SCN8A: variants seen among roughly 807,000 people sequenced by gnomAD.
SCN8A encodes sodium voltage-gated channel alpha subunit 8, also known as sodium channel protein type 8 subunit alpha.
In SCN8A, 30 loss-of-function variants were observed where a neutral mutation model predicts 184.1. The observed-to-expected ratio is 0.16, with a 90% CI of 0.12 to 0.22. The LOEUF (loss-of-function observed/expected upper bound fraction) is 0.22. SCN8A is among the 10% of genes least tolerant of loss of function. The pLI, the probability that SCN8A is intolerant of heterozygous loss-of-function variation, is 1.00. For synonymous variants in SCN8A, 852 were observed against 907.0 expected, an observed-to-expected ratio of 0.94 and a Z score of 1.09; for missense variants, 1,057 against 2,498.9, an observed-to-expected ratio of 0.42 and a Z score of 12.30.
chr12:51,675,706 GT>G (rs1158870141), intron 2 of SCN8A, among the ~76,000 whole-genome samples: 3 of 152,198 alleles, frequency 2.0e-5, no homozygotes, highest in Non-Finnish European at 4.4e-5. Context: ...TTGAGTAATA[GT>G]TTTGAAGCTT....
intron 1 of SCN8A, among the ~76,000 whole-genome samples, chr12:51,616,364 G>T (rs1939836355): frequency 6.6e-6 from 1 of 152,088 alleles, no homozygotes; most frequent in South Asian, 2.1e-4. Flanking sequence ...GCCAGGTGCA[G>T]TGGCTCACAC....
rs1940040998 is a variant in SCN8A at position 51,624,811 on chromosome 12, A to G, written c.-55+33452A>G. ...TGTATAAGGTGTAAGGAAGGGATCCAGTTTCAGCTTTCTACATATGGCTAG... is the reference window on the plus strand; with the variant it reads ...TGTATAAGGTGTAAGGAAGGGATCCGGTTTCAGCTTTCTACATATGGCTAG... On this transcript the variant is annotated intron_variant, in intron 1 of 26. Transcript: ENST00000627620. Among the ~76,000 whole-genome samples, 3 of 152,290 alleles carry G rather than the reference A, an allele frequency of 2.0e-5. No individual in the cohort carries two copies. The South Asian group carries it at 6.2e-4, about 32-fold the overall frequency.
chr12:51,618,138 G>A (rs1939880162), intron 1 of SCN8A, among the ~76,000 whole-genome samples: 1 of 152,028 alleles, frequency 6.6e-6, no homozygotes, highest in Admixed American at 6.5e-5. Flanking sequence ...TCTCCCTTGA[G>A]AACCAAATGG....
rs1938694270 is a variant in SCN8A, at chr12:51,806,094, C to T, written c.4796-188C>T. ...CCACCTGCCTTGGCCTCCCAAAGTC[C>T]TGGGATTACAGGCGTGAGCCCCCAT... On this transcript the variant is annotated intron_variant, in intron 26 of 26. Coordinates refer to ENST00000627620, the MANE Select transcript of SCN8A (RefSeq NM_001330260.2). This position sits in a 1 kb window ranked among gnomAD's most constrained non-coding sequence, Gnocchi z 8.7. 6.6e-6 allele frequency among the ~76,000 whole-genome samples: 1 copy of T among 152,224 alleles called. No individual in the cohort carries two copies. The highest frequency in any genetic ancestry group is 1.5e-5 in the Non-Finnish European group (1 of 68,026).
In SCN8A at chr12:51,769,935, C is replaced by T; in HGVS notation, c.3440C>T (p.Pro1147Leu). 2 of 1,608,040 alleles carry T rather than the reference C, an allele frequency of 1.2e-6. No homozygotes were observed. Among genetic ancestry groups the T allele is most frequent in the East Asian group, 2.2e-5 (1 of 44,744 alleles). ...IDIKPEVEEV[P>L]VEQPEEYLDP... Reference sequence around the variant, plus strand: ...ATCAAACCAGAAGTAGAAGAGGTCCCTGTGGAACAGCCTGAGGAATACTTG... The same window carrying T: ...ATCAAACCAGAAGTAGAAGAGGTCCTTGTGGAACAGCCTGAGGAATACTTG... Residue 1147 changes from proline to leucine, a missense_variant, in exon 18 of 27, where the codon CCT (proline) becomes CTT (leucine). Pro to Leu is a moderately conservative substitution (Grantham distance 98, BLOSUM62 -3). Transcript: ENST00000627620.
intron 14 of SCN8A, among the ~76,000 whole-genome samples, chr12:51,758,101 C>T (rs566844845): frequency 1.3e-5 from 2 of 152,142 alleles, no homozygotes; most frequent in Admixed American, 6.5e-5. Flanking sequence ...TCCAGGAACA[C>T]GGCTGTGAAT....
chr12:51,780,565 C>CTTTTCTTTTTTTTTTTT (rs1937873541), intron 20 of SCN8A, 84 bp from the exon 21 acceptor site: 2 of 293,008 alleles, frequency 6.8e-6, no homozygotes, highest in African/African-American at 2.7e-4. Flanking sequence ...TGTTTTCTTT[C>CTTTTCTTTTTTTTTTTT]TTTTTTTTTT....
At chr12:51,637,657 A>G (rs551917593) in intron 1 of SCN8A, among the ~76,000 whole-genome samples, 1 of 152,344 alleles carries the variant, frequency 6.6e-6, no homozygotes, top group South Asian at 2.1e-4. Flanking sequence ...GCAGGAGAAA[A>G]ATTGGAAGCT....
At position 51,808,358 on chromosome 12, in the gene SCN8A, G is replaced by T. The variant is rs563270962; in HGVS notation, c.*929G>T. On this transcript the variant is annotated 3_prime_UTR_variant, in exon 27 of 27. Coordinates refer to ENST00000627620, the MANE Select transcript of SCN8A (RefSeq NM_001330260.2). ...TCCAACAAGCAGATGGATCCGTTGC[G>T]TGTATATGTTTAACAGACATCTCTA... 2 of 152,608 alleles carry T rather than the reference G, an allele frequency of 1.3e-5. No individual in the cohort carries two copies. Among genetic ancestry groups the T allele is most frequent in the Non-Finnish European group, 1.5e-5 (1 of 68,062 alleles). 9.5% of individuals were successfully genotyped at this position (152,608 alleles called of 1,614,324 possible). A position where few individuals can be genotyped will look rare whatever the true frequency, so the allele number is the denominator to read the frequency against.
Position 51,734,651 on chromosome 12 carries a change from T to C in SCN8A, c.1999-11252T>C, listed in dbSNP as rs1942295305. Reference sequence around the variant, plus strand: ...AACATGTTACAGTGCTGCAGAGATTTTGTTTATGGCCAGTTTTGGGGCCAG... The same window carrying C: ...AACATGTTACAGTGCTGCAGAGATTCTGTTTATGGCCAGTTTTGGGGCCAG... On this transcript the variant is annotated intron_variant, in intron 12 of 26. Coordinates refer to ENST00000627620, the MANE Select transcript of SCN8A (RefSeq NM_001330260.2). Among the ~76,000 whole-genome samples, 4 of 152,194 alleles carry C rather than the reference T, an allele frequency of 2.6e-5. No homozygotes were observed. The South Asian group carries it at 6.2e-4, about 24-fold the overall frequency.
At chr12:51,777,946 G>T (rs991537044) in intron 20 of SCN8A, among the ~76,000 whole-genome samples, 7 of 152,208 alleles carry the variant, frequency 4.6e-5, no homozygotes, top group Non-Finnish European at 8.8e-5. Flanking sequence ...GAAGAATCTG[G>T]CAACTTTCAA....
chr12:51,796,525 G>A (rs1592168469), intron 26 of SCN8A, among the ~76,000 whole-genome samples: 1 of 152,302 alleles, frequency 6.6e-6, no homozygotes. Flanking sequence ...CAAAAGTATA[G>A]AAATCATCTT....
At chr12:51,594,979 A>G (rs2138545596) in intron 1 of SCN8A, among the ~76,000 whole-genome samples, 1 of 152,318 alleles carries the variant, frequency 6.6e-6, no homozygotes, top group African/African-American at 2.4e-5. Context: ...AAAAAACTGT[A>G]ATGTGAAAGA....
At chr12:51,626,562 C>A (rs973611489) in intron 1 of SCN8A, among the ~76,000 whole-genome samples, 1 of 152,102 alleles carries the variant, frequency 6.6e-6, no homozygotes, top group South Asian at 2.1e-4. Flanking sequence ...ATTAATTAAG[C>A]AAACATTTAT....
At chr12:51,608,438 G>A (rs1939646990) in intron 1 of SCN8A, among the ~76,000 whole-genome samples, 1 of 151,978 alleles carries the variant, frequency 6.6e-6, no homozygotes, top group Non-Finnish European at 1.5e-5. Context: ...TCTGTTCAGG[G>A]TATCCTAATT....
intron 2 of SCN8A, among the ~76,000 whole-genome samples, chr12:51,673,115 C>G (rs192857102): frequency 6.6e-6 from 1 of 152,074 alleles, no homozygotes; most frequent in Non-Finnish European, 1.5e-5. Context: ...CCCATGGGTT[C>G]CACATTTAAG....
rs781166326 is a variant in SCN8A, at chr12:51,810,422, T to G, written c.*2993T>G. On this transcript the variant is annotated 3_prime_UTR_variant, in exon 27 of 27. Transcript: ENST00000627620. ...GGCATCGAACTGAAAGAATCAGTGA[T>G]GACGTTTTTGTGCATCTTCGCTGAG... is the stretch of plus-strand genomic sequence containing the variant. 2.2e-6 allele frequency: 1 copy of G among 453,702 alleles called. No individual in the cohort carries two copies. The highest frequency in any genetic ancestry group is 1.6e-5 in the South Asian group (1 of 63,968). The allele number at this position is 453,702 out of a possible 1,614,324, so 28.1% of individuals were successfully genotyped here. A position where few individuals can be genotyped will look rare whatever the true frequency, so the allele number is the denominator to read the frequency against.
At chr12:51,693,595 C>G (rs1000553722) in intron 6 of SCN8A, among the ~76,000 whole-genome samples, 14 of 152,170 alleles carry the variant, frequency 9.2e-5, no homozygotes, top group Admixed American at 7.9e-4. Flanking sequence ...GTGACCACAC[C>G]TGTGAGTAGC....
At chr12:51,604,876 A>G (rs1939552552) in intron 1 of SCN8A, among the ~76,000 whole-genome samples, 2 of 151,916 alleles carry the variant, frequency 1.3e-5, no homozygotes, top group East Asian at 3.9e-4. Flanking sequence ...TTGGGGGTAC[A>G]TGTGCAGGTT....
Sources: gnomAD v4.1 joint callset for allele counts (sites outside exome capture counted in the v4.1 genomes callset) on GRCh38, gnomAD v4.1.1 for gene constraint, Gnocchi (gnomAD v3.1) non-coding constraint, MANE v1.5 for transcripts, NCBI Gene and HGNC (gene_info 2026-07-23, HGNC 2026-07-21) for gene names.